Variants in FER1L5 observed in about 807,000 individuals in gnomAD.
FER1L5 encodes fer-1 like family member 5.
FER1L5 carries 187 observed loss-of-function variants against 279.9 expected under a neutral mutation model. That is an observed-to-expected ratio of 0.67 (90% confidence interval 0.59 to 0.75). FER1L5 has a LOEUF of 0.75. Ranked by LOEUF, FER1L5 falls within the 30% of genes least tolerant of loss-of-function variation. FER1L5 has a pLI of 0.00. For missense variants in FER1L5, 2,091 were observed against 2,594.4 expected, an observed-to-expected ratio of 0.81 and a Z score of 4.21; for synonymous variants, 921 against 989.7, an observed-to-expected ratio of 0.93 and a Z score of 1.30.
Position 96,645,996 on chromosome 2 carries a change from CTTTTT to C in FER1L5, c.86-389_86-385del, listed in dbSNP as rs34639745. 3.3e-3 allele frequency among the ~76,000 whole-genome samples: 239 copies of C among 72,716 alleles called. No homozygotes were observed. The Middle Eastern group carries it at 0.04, about 12-fold the overall frequency. The allele number at this position is 72,716 out of a possible 152,430, so 47.7% of individuals were successfully genotyped here. ...GCCACTTGCCTTGACTTGAAGTTTTCTTTTTTTTTTTTTTTTTTTTGTGACAGAGT... is the reference window on the plus strand; with the variant it reads ...GCCACTTGCCTTGACTTGAAGTTTTCTTTTTTTTTTTTTTTGTGACAGAGT... On this transcript the variant is annotated intron_variant, in intron 1 of 52. Coordinates refer to ENST00000624922, the MANE Select transcript of FER1L5 (RefSeq NM_001293083.2).
intron 19 of FER1L5, among the ~76,000 whole-genome samples, chr2:96,678,598 A>G (rs2076599551): frequency 1.3e-5 from 2 of 150,084 alleles, no homozygotes; most frequent in African/African-American, 4.9e-5. Context: ...ACACCTGGCT[A>G]ATTTTTGTAT....
In FER1L5 at chr2:96,702,683, G is replaced by T; in HGVS notation, c.5339G>T (p.Arg1780Leu). The part of the protein sequence containing the change: ...SLTGEADFNW[R>L]FIFTMDYLAA... Reference sequence around the variant, plus strand: ...ACTGGGGAGGCCGACTTCAACTGGCGGTTCATCTTTACCATGGACTACCTG... The same window carrying T: ...ACTGGGGAGGCCGACTTCAACTGGCTGTTCATCTTTACCATGGACTACCTG... The change falls in exon 48 of 53, where the codon CGG becomes CTG. Residue 1780 changes from arginine (R) to leucine (L), a missense_variant. Coordinates refer to ENST00000624922, the MANE Select transcript of FER1L5 (RefSeq NM_001293083.2). This position sits in a 1 kb window ranked among gnomAD's most constrained non-coding sequence, Gnocchi z 4.0. 1.2e-6 allele frequency: 2 copies of T among 1,612,580 alleles called. No individual in the cohort carries two copies. The highest frequency in any genetic ancestry group is 1.7e-6 in the Non-Finnish European group (2 of 1,179,366).
chr2:96,650,804 C>A (rs2075328317), intron 6 of FER1L5, among the ~76,000 whole-genome samples: 1 of 152,202 alleles, frequency 6.6e-6, no homozygotes, highest in South Asian at 2.1e-4. Context: ...CCAGCCTGCT[C>A]CTCGCGCAGC....
At chr2:96,645,925 A>T (rs1275527897) in intron 1 of FER1L5, among the ~76,000 whole-genome samples, 1 of 151,970 alleles carries the variant, frequency 6.6e-6, no homozygotes, top group Non-Finnish European at 1.5e-5. Flanking sequence ...AAAAGAAGTG[A>T]TGCCATATCA....
intron 13 of FER1L5, 84 bp downstream of exon 13, chr2:96,662,351 AC>A: frequency 7.9e-7 from 1 of 1,266,368 alleles, no homozygotes; most frequent in Non-Finnish European, 1.1e-6. Context: ...GGTGGGCAAG[AC>A]CACAGGAATC....
chr2:96,695,338 G>A lies in FER1L5; in HGVS notation c.3742-171G>A, dbSNP rs1448621601. Reference sequence around the variant, plus strand: ...GCAAGCACTGATCCCTCACAGGACGGGGAAGCCTGTCCTTGTGCGCCTTCA... The same window carrying A: ...GCAAGCACTGATCCCTCACAGGACGAGGAAGCCTGTCCTTGTGCGCCTTCA... On this transcript the variant is annotated intron_variant, in intron 34 of 52. Transcript: ENST00000624922. 10 of 855,592 alleles carry A rather than the reference G, an allele frequency of 1.2e-5. No individual in the cohort carries two copies. In the East Asian group the frequency reaches 2.6e-4, roughly 22 times the overall value. The allele number at this position is 855,592 out of a possible 1,614,324, so 53.0% of individuals were successfully genotyped here. A position where few individuals can be genotyped will look rare whatever the true frequency, so the allele number is the denominator to read the frequency against.
chr2:96,695,921 G>C lies in FER1L5; in HGVS notation c.4057+17G>C, dbSNP rs752046879. ...AGCTTCCAAGTACGGCCCTTCCTCC[G>C]TGCCTTTCCCCAGGCCTCACAAGCG... On this transcript the variant is annotated intron_variant, in intron 36 of 52. Coordinates refer to ENST00000624922, the MANE Select transcript of FER1L5 (RefSeq NM_001293083.2). The C allele has an allele frequency of 1.2e-6, 2 of 1,612,214 alleles. No individual in the cohort carries two copies. The highest frequency in any genetic ancestry group is 1.7e-6 in the Non-Finnish European group (2 of 1,179,246).
intron 34 of FER1L5, 54 bp from the exon 35 acceptor site, chr2:96,695,455 C>T (rs1384634338): frequency 6.6e-7 from 1 of 1,520,014 alleles, no homozygotes; most frequent in Admixed American, 2.5e-5. Flanking sequence ...GCCAGGACCC[C>T]ATTACAGAGG....
At position 96,702,221 on chromosome 2, in the gene FER1L5, G is replaced by A. The variant is rs2077609978; in HGVS notation, c.5160-85G>A. The A allele has an allele frequency of 6.4e-7, 1 of 1,570,750 alleles. No homozygotes were observed. Among genetic ancestry groups the A allele is most frequent in the Admixed American group, 1.9e-5 (1 of 52,354 alleles). On this transcript the variant is annotated intron_variant, in intron 46 of 52. Coordinates refer to ENST00000624922, the MANE Select transcript of FER1L5 (RefSeq NM_001293083.2). The surrounding 1 kb of genome is among the most constrained non-coding windows in gnomAD (Gnocchi z 4.0). ...CCCACACTGAGCAAAAACACACAGG[G>A]CAGCCTCCCAGGCTTCTCTGCCCTC... is the stretch of plus-strand genomic sequence containing the variant.
At position 96,646,159 on chromosome 2, in the gene FER1L5, C is replaced by T. The variant is rs909680506; in HGVS notation, c.86-242C>T. Among the ~76,000 whole-genome samples the T allele has an allele frequency of 7.9e-5, 12 of 152,000 alleles. 1 individual carries two copies. Among genetic ancestry groups the T allele is most frequent in the South Asian group, 2.1e-4 (1 of 4,824 alleles). On this transcript the variant is annotated intron_variant, in intron 1 of 52. Coordinates refer to ENST00000624922, the MANE Select transcript of FER1L5 (RefSeq NM_001293083.2). ...GACTACAGGCGCCCGCCACCACGCC[C>T]GGCTAATTTTTTGTATTTTTAGTAG...
intron 17 of FER1L5, 40 bp from the exon 18 acceptor site, chr2:96,670,079 C>A: frequency 1.3e-6 from 2 of 1,550,228 alleles, no homozygotes; most frequent in South Asian, 1.2e-5. Context: ...TGTTCTTTTT[C>A]TCTCACCCCT....
At chr2:96,642,952 G>T (rs62154848) in intron 1 of FER1L5, 31 bp downstream of exon 1, 1 of 1,533,800 alleles carries the variant, frequency 6.5e-7, no homozygotes, top group African/African-American at 1.4e-5. Flanking sequence ...ACATGGGAGA[G>T]AGAAGCCCCC....
intron 21 of FER1L5, 87 bp downstream of exon 21, chr2:96,685,516 TC>T: frequency 9.0e-6 from 10 of 1,117,118 alleles, no homozygotes; most frequent in Middle Eastern, 2.5e-4. Flanking sequence ...CCTGAACACC[TC>T]CCCCCGCCCT....
rs760246714 is a variant in FER1L5, at chr2:96,685,386, T to C, written c.1852T>C (p.Tyr618His). ...GAATCCGAAGGATCCAGCTCTCCTC[T>C]ACCAGTGGGAGAAACTGCTGAGGGA... ...TRNPKDPALL[Y>H]QWEKLLRELA... Residue 618 changes from tyrosine (Y) to histidine (H), a missense_variant, in exon 21 of 53, where the codon TAC becomes CAC. By Grantham distance (83) the Tyr-to-His change is moderately conservative (BLOSUM62 2). Coordinates refer to ENST00000624922, the MANE Select transcript of FER1L5 (RefSeq NM_001293083.2). 25 of 1,551,224 alleles carry C rather than the reference T, an allele frequency of 1.6e-5. No individual in the cohort carries two copies. The highest frequency in any genetic ancestry group is 2.2e-5 in the Non-Finnish European group (25 of 1,146,834).
intron 20 of FER1L5, among the ~76,000 whole-genome samples, chr2:96,684,670 T>G (rs920338931): frequency 6.6e-6 from 1 of 152,184 alleles, no homozygotes; most frequent in African/African-American, 2.4e-5. Flanking sequence ...AAGTTAGACA[T>G]GCAGGCAGTG....
At chr2:96,701,822 T>C in intron 45 of FER1L5, 133 bp from the exon 46 acceptor site, 2 of 778,586 alleles carry the variant, frequency 2.6e-6, no homozygotes, top group Middle Eastern at 2.8e-4. Flanking sequence ...CTCACAGATA[T>C]CTCTGTACCC....
intron 19 of FER1L5, among the ~76,000 whole-genome samples, chr2:96,682,396 G>A (rs1253847805): frequency 6.6e-6 from 1 of 152,230 alleles, no homozygotes; most frequent in Admixed American, 6.5e-5. Context: ...CCGGCCAAGA[G>A]ATTTTTTGAG....
chr2:96,674,326 G>A (rs1401001552), intron 19 of FER1L5, among the ~76,000 whole-genome samples: 1 of 152,190 alleles, frequency 6.6e-6, no homozygotes, highest in East Asian at 1.9e-4. Flanking sequence ...GGGTTCAAGC[G>A]ATTCTCCTGC....
chr2:96,699,778 A>C (rs1030812268), intron 43 of FER1L5, 58 bp downstream of exon 43: 1 of 1,601,334 alleles, frequency 6.2e-7, no homozygotes, highest in Non-Finnish European at 8.5e-7. Flanking sequence ...GTGAGCCTAC[A>C]GCTCCCTTGG....
Sources: gnomAD v4.1 joint callset for allele counts (sites outside exome capture counted in the v4.1 genomes callset) on GRCh38, gnomAD v4.1.1 for gene constraint, Gnocchi (gnomAD v3.1) non-coding constraint, MANE v1.5 for transcripts, NCBI Gene and HGNC (gene_info 2026-07-23, HGNC 2026-07-21) for gene names.